The following CDH18 variants were observed in gnomAD, a reference collection of about 807,000 sequenced individuals.
The protein encoded by CDH18 is cadherin-18.
CDH18 carries 31 observed loss-of-function variants against 67.9 expected under a neutral mutation model. That is an observed-to-expected ratio of 0.46 (90% CI 0.34 to 0.62). CDH18 has a LOEUF of 0.62. Ranked by LOEUF, CDH18 falls within the 20% of genes least tolerant of loss-of-function variation. CDH18 has a pLI of 0.01. For synonymous variants in CDH18, 362 were observed against 347.2 expected, an observed-to-expected ratio of 1.04 and a Z score of -0.48; for missense variants, 890 against 975.5, an observed-to-expected ratio of 0.91 and a Z score of 1.17.
At position 19,543,942 on chromosome 5, in the gene CDH18, G is replaced by A; in HGVS notation, c.1317C>T (p.Thr439=). Residue 439 remains threonine (T), a synonymous_variant, in exon 9 of 13, where the codon ACC becomes ACT. Transcript: ENST00000382275. The stretch of plus-strand genomic sequence containing the variant: ...TGTCGAGAACCTTTGTAGTCCTAAT[G>A]GTCCCAGTATTGGCATCAATGTTGA... ...RFFNIDANTG[T]IRTTKVLDRE... 1 of 1,596,626 alleles carries A rather than the reference G, an allele frequency of 6.3e-7. No individual in the cohort carries two copies.
intron 2 of CDH18, among the ~76,000 whole-genome samples, chr5:20,023,619 A>G (rs1738625913): frequency 6.9e-6 from 1 of 145,160 alleles, no homozygotes. Flanking sequence ...AGATCGCGCC[A>G]CTGCACTCCA....
intron 7 of CDH18, among the ~76,000 whole-genome samples, chr5:19,574,370 T>C (rs912638393): frequency 6.6e-6 from 1 of 152,062 alleles, no homozygotes; most frequent in Non-Finnish European, 1.5e-5. Context: ...ATGGAAACCA[T>C]GTGGAGCCAT....
chr5:20,207,585 C>T (rs1169721305), intron 2 of CDH18, among the ~76,000 whole-genome samples: 1 of 151,984 alleles, frequency 6.6e-6, no homozygotes, highest in African/African-American at 2.4e-5. Flanking sequence ...AGGAAAACTG[C>T]TGTTTCTAAA....
intron 8 of CDH18, among the ~76,000 whole-genome samples, chr5:19,550,273 A>G (rs907881151): frequency 3.3e-5 from 5 of 151,990 alleles, no homozygotes; most frequent in African/African-American, 1.2e-4. Flanking sequence ...TATTATTATT[A>G]TTATTATACT....
chr5:19,682,011 A>T (rs536969872), intron 5 of CDH18, among the ~76,000 whole-genome samples: 1 of 152,194 alleles, frequency 6.6e-6, no homozygotes, highest in African/African-American at 2.4e-5. Flanking sequence ...GTTCTTTAAG[A>T]TTGAGTCCTA....
chr5:20,336,513 G>T (rs1426317070), intron 1 of CDH18, among the ~76,000 whole-genome samples: 1 of 151,916 alleles, frequency 6.6e-6, no homozygotes, highest in Non-Finnish European at 1.5e-5. Flanking sequence ...ACGAGGCCAA[G>T]AGATCAAGAC....
chr5:20,013,056 G>C (rs1445579991), intron 2 of CDH18, among the ~76,000 whole-genome samples: 2 of 152,130 alleles, frequency 1.3e-5, no homozygotes, highest in East Asian at 3.9e-4. Context: ...ACATGTACTG[G>C]TGAACTTACA....
chr5:20,372,805 A>G (rs1743111643), intron 1 of CDH18, among the ~76,000 whole-genome samples: 1 of 152,122 alleles, frequency 6.6e-6, no homozygotes, highest in African/African-American at 2.4e-5. Context: ...TTATCCACCA[A>G]TGTTCAAGCA....
At chr5:20,108,339 AC>A (rs1747161453) in intron 2 of CDH18, among the ~76,000 whole-genome samples, 1 of 151,700 alleles carries the variant, frequency 6.6e-6, no homozygotes, top group African/African-American at 2.4e-5. Flanking sequence ...CAATCCACCA[AC>A]CTCGGCTTTC....
chr5:20,221,663 T>C (rs182471730), intron 2 of CDH18, among the ~76,000 whole-genome samples: 145 of 152,266 alleles, frequency 9.5e-4, no homozygotes, highest in African/African-American at 3.4e-3. Context: ...CTTGAGGTGA[T>C]GGATACCCAA....
intron 5 of CDH18, among the ~76,000 whole-genome samples, chr5:19,705,255 A>T (rs1397772051): frequency 6.6e-6 from 1 of 152,180 alleles, no homozygotes; most frequent in Non-Finnish European, 1.5e-5. Context: ...ATAGCTCTGG[A>T]CAAAATTCAG....
intron 2 of CDH18, among the ~76,000 whole-genome samples, chr5:20,151,900 G>A (rs1751141141): frequency 6.6e-6 from 1 of 151,452 alleles, no homozygotes; most frequent in African/African-American, 2.4e-5. Flanking sequence ...TTTTCTATAA[G>A]TGTTAGCAAT....
chr5:20,343,041 C>T (rs1354822495), intron 1 of CDH18, among the ~76,000 whole-genome samples: 5 of 152,164 alleles, frequency 3.3e-5, no homozygotes, highest in Admixed American at 2.6e-4. Flanking sequence ...TCAGATCTAA[C>T]GGTTTGAACT....
intron 3 of CDH18, among the ~76,000 whole-genome samples, chr5:19,760,835 AG>A (rs1772234958): frequency 6.6e-6 from 1 of 152,126 alleles, no homozygotes; most frequent in Non-Finnish European, 1.5e-5. Context: ...CAACTACCTC[AG>A]GGGAGGCCAT....
chr5:20,198,588 A>G (rs1580458299), intron 2 of CDH18, among the ~76,000 whole-genome samples: 1 of 152,200 alleles, frequency 6.6e-6, no homozygotes, highest in Admixed American at 6.5e-5. Context: ...GATGCGGTAG[A>G]AAAAAGAAAC....
chr5:19,741,643 C>A (rs1224945299), intron 4 of CDH18, among the ~76,000 whole-genome samples: 1 of 152,106 alleles, frequency 6.6e-6, no homozygotes, highest in Admixed American at 6.6e-5. Flanking sequence ...AAGTTCACGG[C>A]ATGAGCATTC....
chr5:20,328,589 A>G, intron 1 of CDH18, among the ~76,000 whole-genome samples: 1 of 152,090 alleles, frequency 6.6e-6, no homozygotes. Flanking sequence ...ATATTATTAG[A>G]TATAAAAGTC....
chr5:20,562,780 A>G (rs2126650697), intron 1 of CDH18, among the ~76,000 whole-genome samples: 1 of 152,064 alleles, frequency 6.6e-6, no homozygotes, highest in African/African-American at 2.4e-5. Context: ...CAATATGAAA[A>G]GGCATAGCAT....
intron 2 of CDH18, among the ~76,000 whole-genome samples, chr5:19,930,717 C>T (rs1320756397): frequency 1.3e-5 from 2 of 151,958 alleles, no homozygotes; most frequent in South Asian, 2.1e-4. Flanking sequence ...TGGCTGAAAA[C>T]GAATCATAAA....
Sources: gnomAD v4.1 joint callset for allele counts (sites outside exome capture counted in the v4.1 genomes callset) on GRCh38, gnomAD v4.1.1 for gene constraint, MANE v1.5 for transcripts, NCBI Gene and HGNC (gene_info 2026-07-23, HGNC 2026-07-21) for gene names.